The following PRR16 variants were observed in gnomAD, a reference collection of about 807,000 sequenced individuals.
The protein encoded by PRR16 is protein Largen.
PRR16 carries 6 observed loss-of-function variants against 18.2 expected under a neutral mutation model. The ratio of observed to expected loss-of-function variants is 0.33; its 90% CI spans 0.18 to 0.65. The LOEUF (loss-of-function observed/expected upper bound fraction) is 0.65. PRR16 is among the 30% of genes least tolerant of loss of function. PRR16 has a pLI of 0.74. For missense variants in PRR16, 412 were observed against 376.6 expected, an observed-to-expected ratio of 1.09 and a Z score of -0.78; for synonymous variants, 151 against 147.8, an observed-to-expected ratio of 1.02 and a Z score of -0.16.
intron 1 of PRR16, among the ~76,000 whole-genome samples, chr5:120,594,639 C>T (rs1753743545): frequency 6.6e-6 from 1 of 152,032 alleles, no homozygotes; most frequent in African/African-American, 2.4e-5. Context: ...AGCAAGAGCC[C>T]TAATACCCAA....
chr5:120,679,056 C>T (rs992282422), intron 1 of PRR16, among the ~76,000 whole-genome samples: 1 of 152,124 alleles, frequency 6.6e-6, no homozygotes. Context: ...ATATTTATCA[C>T]TATTTTTAAT....
At chr5:120,556,911 A>C (rs1416727195) in intron 1 of PRR16, among the ~76,000 whole-genome samples, 1 of 151,746 alleles carries the variant, frequency 6.6e-6, no homozygotes, top group East Asian at 1.9e-4. Context: ...ATTATCTGAG[A>C]GTTCCCATAA....
chr5:120,649,898 A>G (rs1283013446), intron 1 of PRR16, among the ~76,000 whole-genome samples: 2 of 152,022 alleles, frequency 1.3e-5, no homozygotes, highest in Non-Finnish European at 2.9e-5. Context: ...TCTCATCATT[A>G]TTCTGTATTT....
At chr5:120,492,091 CTTT>C (rs751508483) in intron 1 of PRR16, among the ~76,000 whole-genome samples, 2 of 135,806 alleles carry the variant, frequency 1.5e-5, no homozygotes, top group African/African-American at 2.7e-5. Flanking sequence ...TGTTTGTTTT[CTTT>C]TTTTTTTTTT....
the PRR16 span, among the ~76,000 whole-genome samples, chr5:120,756,331 T>C: frequency 6.6e-6 from 1 of 152,062 alleles, no homozygotes; most frequent in Non-Finnish European, 1.5e-5. Context: ...TTGTAGGAAG[T>C]TGGTGTGAAT....
At chr5:120,522,515 G>A (rs1387506566) in intron 1 of PRR16, among the ~76,000 whole-genome samples, 1 of 152,124 alleles carries the variant, frequency 6.6e-6, no homozygotes, top group African/African-American at 2.4e-5. Flanking sequence ...TTTTTGATGA[G>A]GTTGTTTGAC....
chr5:120,477,254 C>T (rs1749471605), intron 1 of PRR16, among the ~76,000 whole-genome samples: 1 of 152,104 alleles, frequency 6.6e-6, no homozygotes, highest in Non-Finnish European at 1.5e-5. Flanking sequence ...CAACAGTCTA[C>T]TCCCTATCTC....
the PRR16 span, among the ~76,000 whole-genome samples, chr5:120,700,450 C>G: frequency 0.015 from 2,238 of 151,564 alleles, 64 homozygotes; most frequent in African/African-American, 0.05. Context: ...TGGGGGGATA[C>G]AAGAGGAGGA....
At chr5:120,508,008 C>T (rs1750701157) in intron 1 of PRR16, among the ~76,000 whole-genome samples, 1 of 152,074 alleles carries the variant, frequency 6.6e-6, no homozygotes, top group Admixed American at 6.6e-5. Flanking sequence ...CTAATGTGCC[C>T]ACTAAATAAC....
chr5:120,491,458 CCTTTCCTTTCCTT>C (rs770624062), intron 1 of PRR16, among the ~76,000 whole-genome samples: 1 of 97,640 alleles, frequency 1.0e-5, no homozygotes, highest in East Asian at 2.1e-4. Flanking sequence ...CCTTTCCTTT[CCTTTCCTTTCCTT>C]TCCTTTCCTT....
At chr5:120,735,611 A>G in the PRR16 span, among the ~76,000 whole-genome samples, 1 of 152,112 alleles carries the variant, frequency 6.6e-6, no homozygotes. Context: ...CCATTTGCAT[A>G]TCTTTGGAGA....
chr5:120,581,957 A>G (rs1344677322), intron 1 of PRR16, among the ~76,000 whole-genome samples: 2 of 152,068 alleles, frequency 1.3e-5, no homozygotes, highest in African/African-American at 4.8e-5. Flanking sequence ...TATGTGGCCA[A>G]TTTTAGAGTA....
intron 1 of PRR16, among the ~76,000 whole-genome samples, chr5:120,628,662 C>T (rs2405958): frequency 0.5 from 50,005 of 99,206 alleles, 9,621 homozygotes; most frequent in Middle Eastern, 0.6. Flanking sequence ...TATCTATCTA[C>T]CTACCTATCT....
chr5:120,616,970 C>A, intron 1 of PRR16: 1 of 221,068 alleles, frequency 4.5e-6, no homozygotes, highest in Non-Finnish European at 7.6e-6. Context: ...TCAGTATATC[C>A]TATTCCTTCA....
At chr5:120,694,173 T>C in the PRR16 span, among the ~76,000 whole-genome samples, 1 of 152,222 alleles carries the variant, frequency 6.6e-6, no homozygotes, top group Non-Finnish European at 1.5e-5. Flanking sequence ...ATTACTCGTG[T>C]TCTTTGTTAA....
chr5:120,527,059 T>C (rs897022565), intron 1 of PRR16, among the ~76,000 whole-genome samples: 1 of 152,194 alleles, frequency 6.6e-6, no homozygotes, highest in South Asian at 2.1e-4. Context: ...TTCTACTCTT[T>C]GATTCTATGA....
At chr5:120,664,384 G>A (rs1487984712) in intron 1 of PRR16, among the ~76,000 whole-genome samples, 6 of 151,872 alleles carry the variant, frequency 4.0e-5, no homozygotes, top group Non-Finnish European at 8.8e-5. Context: ...CTGCAACCCT[G>A]GGAAGCATGG....
chr5:120,661,551 C>A (rs1756173525), intron 1 of PRR16, among the ~76,000 whole-genome samples: 1 of 151,818 alleles, frequency 6.6e-6, no homozygotes, highest in African/African-American at 2.4e-5. Context: ...TGGAACTAAT[C>A]CTAAAAGTAG....
intron 1 of PRR16, among the ~76,000 whole-genome samples, chr5:120,609,633 CACTT>C (rs1186308674): frequency 9.9e-5 from 15 of 152,210 alleles, no homozygotes; most frequent in Admixed American, 3.3e-4. Flanking sequence ...AAATCTGAAA[CACTT>C]ACACATTTTT....
Sources: allele counts gnomAD v4.1 joint callset (sites outside exome capture counted in the v4.1 genomes callset), GRCh38; gene constraint gnomAD v4.1.1; transcripts MANE v1.5; gene names NCBI Gene and HGNC (gene_info 2026-07-23, HGNC 2026-07-21).